Variants in STRIP1 observed in about 807,000 individuals in gnomAD.
STRIP1 encodes the protein striatin-interacting protein 1.
In STRIP1, 63 loss-of-function variants were observed where a neutral mutation model predicts 106.2. The observed-to-expected ratio is 0.59, with a 90% CI of 0.48 to 0.73. The LOEUF is 0.73. Among genes scored for constraint, STRIP1 ranks in the 30% least tolerant of loss-of-function variants. The probability of loss-of-function intolerance (pLI) is 0.00; values close to 1 mark genes in which losing one functional copy is unlikely to be tolerated. For synonymous variants in STRIP1, 390 were observed against 413.0 expected (o/e 0.94, Z 0.67); for missense variants, 857 against 1,074.8 (o/e 0.80, Z 2.83).
chr1:110,034,694 G>T lies in STRIP1; in HGVS notation c.57G>T (p.Gln19His). ...TGATCGTGAACAACAAACAGCCCCA[G>T]CCCCCGCCACCTCCGCCGCCGGCAG... ...GPLIVNNKQP[Q>H]PPPPPPPAAA... is the part of the protein sequence containing the mutation. Residue 19 changes from glutamine to histidine, a missense_variant, in exon 1 of 21, where the codon CAG becomes CAT. Around this residue, in one of 2 missense-constraint regions of STRIP1, gnomAD observed 107 missense variants for 85.1 expected, o/e 1.26. Transcript: ENST00000369795. 2 of 1,515,220 alleles carry T rather than the reference G, an allele frequency of 1.3e-6. No individual in the cohort carries two copies. The highest frequency in any genetic ancestry group is 1.8e-6 in the Non-Finnish European group (2 of 1,133,672). 93.9% of individuals were successfully genotyped at this position (1,515,220 alleles called of 1,614,324 possible).
chr1:110,051,120 A>AGCAGGG, intron 19 of STRIP1, 60 bp downstream of exon 19: 1 of 1,133,298 alleles, frequency 8.8e-7, no homozygotes, highest in Non-Finnish European at 1.3e-6. Context: ...GAGTGCTGGG[A>AGCAGGG]GCAGGGAGTC....
In STRIP1 at chr1:110,038,664, C is replaced by T. The variant is rs200375961; in HGVS notation, c.251-19C>T. The T allele has an allele frequency of 1.2e-4, 187 of 1,611,158 alleles. No individual in the cohort carries two copies. The African/African-American group carries it at 1.3e-3, about 11-fold the overall frequency. On this transcript the variant is annotated intron_variant, in intron 2 of 20. Transcript: ENST00000369795. ...AATGCAGACATGGAACCAATGGTGA[C>T]GAGACTTTGTTCTGACAGAGCTTTA...
At position 110,034,742 on chromosome 1, in the gene STRIP1, A is replaced by G; in HGVS notation, c.105A>G (p.Ala35=). The G allele has an allele frequency of 6.8e-7, 1 of 1,471,610 alleles. No homozygotes were observed. The highest frequency in any genetic ancestry group is 1.4e-5 in the South Asian group (1 of 73,976). 91.2% of individuals were successfully genotyped at this position (1,471,610 alleles called of 1,614,324 possible). ...PPAAAQPPPG[A]PRAAAGLLPG... ...CAGCCGCACAGCCACCACCCGGGGC[A>G]CCGCGGGCCGCCGCGGGCCTCCTGC... is the stretch of plus-strand genomic sequence containing the variant. Residue 35 remains alanine, a synonymous_variant, in exon 1 of 21, where the codon GCA becomes GCG. Transcript: ENST00000369795.
intron 20 of STRIP1, among the ~76,000 whole-genome samples, chr1:110,053,405 G>A (rs191818022): frequency 2.0e-3 from 300 of 152,302 alleles, no homozygotes; most frequent in African/African-American, 6.9e-3. Flanking sequence ...GCCACTTTGA[G>A]AGAAATGTGT....
At chr1:110,036,701 A>G (rs1322518659) in intron 1 of STRIP1, among the ~76,000 whole-genome samples, 1 of 152,216 alleles carries the variant, frequency 6.6e-6, no homozygotes, top group African/African-American at 2.4e-5. Flanking sequence ...AAAATCTTCA[A>G]AGTAGATTTT....
chr1:110,043,353 C>T, intron 9 of STRIP1, 83 bp downstream of exon 9: 1 of 1,393,312 alleles, frequency 7.2e-7, no homozygotes, highest in Admixed American at 1.9e-5. Context: ...AGGAGCAGGG[C>T]TGCTGGAAAT....
rs1244498836 is a variant in STRIP1 at position 110,047,765 on chromosome 1, T to C, written c.1564-7T>C. On this transcript the variant is annotated splice_region_variant and splice_polypyrimidine_tract_variant and intron_variant, in intron 14 of 20. Coordinates refer to ENST00000369795, the MANE Select transcript of STRIP1 (RefSeq NM_033088.4). Reference sequence around the variant, plus strand: ...AGACCTGTGTCTGAATGGTCTACTCTTCCCAGATTGCCCTCCTGAAGATCC... The same window carrying C: ...AGACCTGTGTCTGAATGGTCTACTCCTCCCAGATTGCCCTCCTGAAGATCC... The C allele has an allele frequency of 6.4e-7, 1 of 1,562,792 alleles. No homozygotes were observed. The highest frequency in any genetic ancestry group is 2.4e-5 in the East Asian group (1 of 42,376).
At chr1:110,035,273 G>A (rs1652392901) in intron 1 of STRIP1, among the ~76,000 whole-genome samples, 1 of 152,222 alleles carries the variant, frequency 6.6e-6, no homozygotes, top group African/African-American at 2.4e-5. Flanking sequence ...GCGCGTGTGG[G>A]CAGGGAAGGC....
chr1:110,038,071 AATATATAT>A (rs3085770), intron 2 of STRIP1, 111 bp downstream of exon 2: 8,873 of 129,970 alleles, frequency 0.068, 386 homozygotes, highest in East Asian at 0.083. Context: ...AGTTCTATCA[AATATATAT>A]ATATATATAT....
rs976360911 is a variant in STRIP1, at chr1:110,054,076, C to T, written c.*164C>T. 2.1e-5 allele frequency: 16 copies of T among 777,164 alleles called. No individual in the cohort carries two copies. The African/African-American group carries it at 2.3e-4, about 11-fold the overall frequency. 48.1% of individuals were successfully genotyped at this position (777,164 alleles called of 1,614,324 possible). A position where few individuals can be genotyped will look rare whatever the true frequency, so the allele number is the denominator to read the frequency against. On this transcript the variant is annotated 3_prime_UTR_variant, in exon 21 of 21. Transcript: ENST00000369795. Reference sequence around the variant, plus strand: ...TGGGCTTGGGTGAGCCCAGCTTGACCTCCCCTTGGTTCCCAGGGTCCTGCT... The same window carrying T: ...TGGGCTTGGGTGAGCCCAGCTTGACTTCCCCTTGGTTCCCAGGGTCCTGCT...
At chr1:110,045,619 T>C (rs757618208) in intron 12 of STRIP1, 1 of 153,584 alleles carries the variant, frequency 6.5e-6, no homozygotes, top group Admixed American at 6.5e-5. Context: ...GAGATTGTAA[T>C]GCCAACTTTA....
rs1434081958 is a variant in STRIP1 at position 110,050,078 on chromosome 1, T to G, written c.1890-265T>G. On this transcript the variant is annotated intron_variant, in intron 17 of 20. Transcript: ENST00000369795. ...ATCTCCTCCCCCGCCCCACATTGATTGCTGTGGGGGAAGCTGTGAGGGTCT... is the reference window on the plus strand; with the variant it reads ...ATCTCCTCCCCCGCCCCACATTGATGGCTGTGGGGGAAGCTGTGAGGGTCT... 1.0e-5 allele frequency: 5 copies of G among 480,574 alleles called. No homozygotes were observed. The East Asian group carries it at 2.0e-4, about 19-fold the overall frequency. 29.8% of individuals were successfully genotyped at this position (480,574 alleles called of 1,614,324 possible).
At chr1:110,034,924 GAGTCCGGCCGAGAACTGTCACTATAC>G in intron 1 of STRIP1, 107 bp downstream of exon 1, 1 of 1,104,298 alleles carries the variant, frequency 9.1e-7, no homozygotes, top group Non-Finnish European at 1.2e-6. Flanking sequence ...GGGCTCGGTA[GAGTCCGGCCGAGAACTGTCACTATAC>G]AGCGAAAGGA....
intron 2 of STRIP1, 64 bp from the exon 3 acceptor site, chr1:110,038,619 A>G (rs569655881): frequency 2.3e-5 from 32 of 1,384,626 alleles, no homozygotes; most frequent in South Asian, 8.3e-5. Flanking sequence ...CCTTCTCTGC[A>G]CTTGTGAGAC....
intron 15 of STRIP1, chr1:110,048,098 C>T (rs147329512): frequency 7.2e-4 from 370 of 512,146 alleles, no homozygotes; most frequent in African/African-American, 6.4e-3. Flanking sequence ...GAGCAAACTC[C>T]TGAGTGAATT....
intron 3 of STRIP1, 99 bp downstream of exon 3, chr1:110,038,856 G>A: frequency 9.2e-7 from 1 of 1,085,860 alleles, no homozygotes; most frequent in South Asian, 1.4e-5. Flanking sequence ...TCCTGGAACA[G>A]CCTGAGAAGC....
At chr1:110,049,397 G>A (rs1473517738) in intron 16 of STRIP1, 63 bp from the exon 17 acceptor site, 2 of 1,541,944 alleles carry the variant, frequency 1.3e-6, no homozygotes, top group Non-Finnish European at 1.8e-6. Context: ...ATCCCTGGAG[G>A]AAAGAGGGCA....
intron 3 of STRIP1, 194 bp downstream of exon 3, chr1:110,038,951 T>C: frequency 1.4e-6 from 1 of 707,488 alleles, no homozygotes; most frequent in Non-Finnish European, 2.3e-6. Context: ...ATGTGCATAT[T>C]AGGGGAGAAA....
At position 110,041,712 on chromosome 1, in the gene STRIP1, G is replaced by A. The variant is rs1350583927; in HGVS notation, c.758-22G>A. 4 of 1,614,012 alleles carry A rather than the reference G, an allele frequency of 2.5e-6. No homozygotes were observed. In the African/African-American group the frequency reaches 4.0e-5, roughly 16 times the overall value. ...AGGCGGAAGGCTTTGGGAGGGTCCT[G>A]ATACCTTTGTGTCACCTCCAGGCTC... On this transcript the variant is annotated intron_variant, in intron 7 of 20. Transcript: ENST00000369795.
Sources: gnomAD v4.1 joint callset for allele counts (sites outside exome capture counted in the v4.1 genomes callset) on GRCh38, gnomAD v4.1.1 for gene constraint, gnomAD v4.1.1 regional missense constraint, MANE v1.5 for transcripts, NCBI Gene and HGNC (gene_info 2026-07-23, HGNC 2026-07-21) for gene names.